The following RASA3 variants were observed in gnomAD, a reference collection of about 807,000 sequenced individuals.
RASA3 encodes ras GTPase-activating protein 3.
In RASA3, 73 loss-of-function variants were observed where a neutral mutation model predicts 110.0. The observed-to-expected ratio is 0.66, with a 90% CI of 0.55 to 0.81. The LOEUF is 0.81. Among genes scored for constraint, RASA3 ranks in the 30% least tolerant of loss-of-function variants. RASA3 has a pLI of 0.00. For missense variants in RASA3, 976 were observed against 1,113.2 expected, an observed-to-expected ratio of 0.88 and a Z score of 1.75; for synonymous variants, 500 against 451.4, an observed-to-expected ratio of 1.11 and a Z score of -1.37.
At chr13:114,070,963 ACG>A in intron 2 of RASA3, among the ~76,000 whole-genome samples, 1 of 105,230 alleles carries the variant, frequency 9.5e-6, no homozygotes, top group Non-Finnish European at 1.8e-5. Context: ...ACAGTGTTAC[ACG>A]TGGGCAGGGC....
chr13:114,128,454 T>A (rs2080478007), intron 1 of RASA3, among the ~76,000 whole-genome samples: 2 of 152,224 alleles, frequency 1.3e-5, no homozygotes, highest in African/African-American at 4.8e-5. Context: ...CCCGGAGCCC[T>A]TACCTTCTAG....
In RASA3 at chr13:113,979,306, A is replaced by T; in HGVS notation, c.*41T>A. 6.6e-7 allele frequency: 1 copy of T among 1,516,932 alleles called. No individual in the cohort carries two copies. The highest frequency in any genetic ancestry group is 9.2e-7 in the Non-Finnish European group (1 of 1,092,150). The allele number at this position is 1,516,932 out of a possible 1,614,324, so 94.0% of individuals were successfully genotyped here. A position where few individuals can be genotyped will look rare whatever the true frequency, so the allele number is the denominator to read the frequency against. ...TCCCTCCCAAAGGCTGCGGCTTTGC[A>T]TGGGCAGCTTGCTGGCGCCACTGGG... is the stretch of plus-strand genomic sequence containing the variant. On this transcript the variant is annotated 3_prime_UTR_variant, in exon 24 of 24. Coordinates refer to ENST00000334062, the MANE Select transcript of RASA3 (RefSeq NM_007368.4).
chr13:113,979,464 T>C (rs1157627036), intron 23 of RASA3, 42 bp from the exon 24 acceptor site: 2 of 1,481,850 alleles, frequency 1.3e-6, no homozygotes, highest in Admixed American at 1.7e-5. Context: ...ACAGACCCCG[T>C]TGCCTGGTGC....
intron 1 of RASA3, among the ~76,000 whole-genome samples, chr13:114,131,984 G>T (rs1190002162): frequency 1.3e-5 from 2 of 152,178 alleles, no homozygotes; most frequent in Non-Finnish European, 2.9e-5. Flanking sequence ...TCCCCGGAAA[G>T]GAAGTTTCTG....
intron 2 of RASA3, among the ~76,000 whole-genome samples, chr13:114,055,337 G>C (rs1383154437): frequency 2.0e-5 from 3 of 152,244 alleles, no homozygotes; most frequent in Non-Finnish European, 4.4e-5. Flanking sequence ...CAAGGCGCAG[G>C]GGTCGTGACC....
At chr13:114,108,089 C>T (rs1196721258) in intron 1 of RASA3, among the ~76,000 whole-genome samples, 1 of 152,050 alleles carries the variant, frequency 6.6e-6, no homozygotes, top group Non-Finnish European at 1.5e-5. Context: ...CCGAGCCTTT[C>T]TCCTTCCCAT....
chr13:114,128,125 T>C (rs1022708581), intron 1 of RASA3, among the ~76,000 whole-genome samples: 1 of 152,146 alleles, frequency 6.6e-6, no homozygotes, highest in African/African-American at 2.4e-5. Context: ...TAATAAAATA[T>C]CCAAGTTAAT....
intron 1 of RASA3, among the ~76,000 whole-genome samples, chr13:114,078,782 A>G (rs559356887): frequency 6.6e-6 from 1 of 152,330 alleles, no homozygotes; most frequent in Admixed American, 6.5e-5. Flanking sequence ...CCTCAGGGTG[A>G]GCACAGGCCC....
intron 1 of RASA3, among the ~76,000 whole-genome samples, chr13:114,122,234 T>C (rs2080388542): frequency 6.6e-6 from 1 of 152,186 alleles, no homozygotes; most frequent in Non-Finnish European, 1.5e-5. Context: ...AAGGCTGAGC[T>C]TGGCACCTAC....
chr13:114,061,912 C>T (rs370085558), intron 2 of RASA3, among the ~76,000 whole-genome samples: 27 of 152,206 alleles, frequency 1.8e-4, no homozygotes, highest in African/African-American at 5.8e-4. Flanking sequence ...CTGCACAGAG[C>T]ACACGGCGCA....
chr13:114,004,497 G>C (rs899212124), intron 18 of RASA3, among the ~76,000 whole-genome samples: 1 of 152,118 alleles, frequency 6.6e-6, no homozygotes, highest in Non-Finnish European at 1.5e-5. Context: ...TGAGGAATGA[G>C]AGCCAGAGCT....
At chr13:114,058,253 C>G (rs1172044952) in intron 2 of RASA3, among the ~76,000 whole-genome samples, 1 of 152,114 alleles carries the variant, frequency 6.6e-6, no homozygotes, top group East Asian at 1.9e-4. Flanking sequence ...ACCCACCCGG[C>G]AGGGGCCAGC....
At chr13:114,130,846 C>G (rs1452468333) in intron 1 of RASA3, among the ~76,000 whole-genome samples, 2 of 152,158 alleles carry the variant, frequency 1.3e-5, no homozygotes, top group African/African-American at 2.4e-5. Context: ...GCCCCCGTGA[C>G]TGAGGAAGCC....
Position 114,011,087 on chromosome 13 carries a change from G to A in RASA3, c.1590+84C>T. On this transcript the variant is annotated intron_variant, in intron 16 of 23. Coordinates refer to ENST00000334062, the MANE Select transcript of RASA3 (RefSeq NM_007368.4). The surrounding 1 kb of genome is among the most constrained non-coding windows in gnomAD (Gnocchi z 4.8). ...TCTTTATCTTACGACTCTCTCAAAT[G>A]TGGGAGGTTTTTCACGTGTATTTTC... is the stretch of plus-strand genomic sequence containing the variant. The A allele has an allele frequency of 8.2e-7, 1 of 1,224,598 alleles. No homozygotes were observed. The highest frequency in any genetic ancestry group is 2.4e-5 in the East Asian group (1 of 42,068). 75.9% of individuals were successfully genotyped at this position (1,224,598 alleles called of 1,614,324 possible). A position where few individuals can be genotyped will look rare whatever the true frequency, so the allele number is the denominator to read the frequency against.
chr13:114,047,051 C>A (rs1305461227), intron 3 of RASA3, among the ~76,000 whole-genome samples: 2 of 151,922 alleles, frequency 1.3e-5, no homozygotes, highest in Non-Finnish European at 2.9e-5. Flanking sequence ...ACAAATCATA[C>A]AAGAAAAAAA....
intron 22 of RASA3, among the ~76,000 whole-genome samples, chr13:113,992,217 C>T (rs944809941): frequency 6.6e-6 from 1 of 152,248 alleles, no homozygotes; most frequent in African/African-American, 2.4e-5. Context: ...AATAGGTCCT[C>T]TAAAGAAACT....
At position 114,040,805 on chromosome 13, in the gene RASA3, C is replaced by T. The variant is rs1034602947; in HGVS notation, c.372+195G>A. Among the ~76,000 whole-genome samples the T allele has an allele frequency of 2.3e-4, 35 of 150,692 alleles. 1 individual carries two copies. The highest frequency in any genetic ancestry group is 7.4e-4 in the African/African-American group (30 of 40,638). On this transcript the variant is annotated intron_variant, in intron 4 of 23. Transcript: ENST00000334062. The stretch of plus-strand genomic sequence containing the variant: ...CACTCCGAGCACAAGCAGGCGAACA[C>T]GCACAACCCAAAATCCATGGCGGAG...
At chr13:114,054,987 T>C (rs539607336) in intron 2 of RASA3, among the ~76,000 whole-genome samples, 2 of 151,586 alleles carry the variant, frequency 1.3e-5, no homozygotes. Flanking sequence ...CATGGGTGTG[T>C]GCACGTGTGT....
chr13:114,003,436 A>G (rs957489671), intron 18 of RASA3, among the ~76,000 whole-genome samples: 1 of 152,246 alleles, frequency 6.6e-6, no homozygotes, highest in Admixed American at 6.5e-5. Context: ...TACAGGATGA[A>G]TATCTGTTGC....
Sources: gnomAD v4.1 joint callset for allele counts (sites outside exome capture counted in the v4.1 genomes callset) on GRCh38, gnomAD v4.1.1 for gene constraint, Gnocchi (gnomAD v3.1) non-coding constraint, MANE v1.5 for transcripts, NCBI Gene and HGNC (gene_info 2026-07-23, HGNC 2026-07-21) for gene names.